PDE3A: variants seen among roughly 807,000 people sequenced by gnomAD.
PDE3A encodes cGMP-inhibited 3',5'-cyclic phosphodiesterase 3A.
In PDE3A, 43 loss-of-function variants were observed where a neutral mutation model predicts 98.3. The observed-to-expected ratio is 0.44, with a 90% CI of 0.34 to 0.56. The LOEUF (loss-of-function observed/expected upper bound fraction) is 0.56. Ranked by LOEUF, PDE3A falls within the 20% of genes least tolerant of loss-of-function variation. The pLI is 0.01. For synonymous variants in PDE3A, 663 were observed against 567.9 expected (o/e 1.17, Z -2.38); for missense variants, 1,427 against 1,440.7 (o/e 0.99, Z 0.15).
intron 1 of PDE3A, among the ~76,000 whole-genome samples, chr12:20,386,082 AATATATAAATATATATAAAT>A (rs1189611721): frequency 0.021 from 569 of 27,234 alleles, 41 homozygotes; most frequent in Admixed American, 0.13. Flanking sequence ...AATATATATA[AATATATAAATATATATAAAT>A]ATATATATAA....
At chr12:20,543,842 A>G (rs1026470097) in intron 1 of PDE3A, among the ~76,000 whole-genome samples, 2 of 152,040 alleles carry the variant, frequency 1.3e-5, no homozygotes, top group African/African-American at 4.8e-5. Flanking sequence ...TGTACCAGGT[A>G]TATAAGGCTT....
At chr12:20,466,526 C>T (rs1591961521) in intron 1 of PDE3A, among the ~76,000 whole-genome samples, 1 of 152,072 alleles carries the variant, frequency 6.6e-6, no homozygotes, top group African/African-American at 2.4e-5. Flanking sequence ...ATGAGTAATA[C>T]TTCGAATGTG....
intron 2 of PDE3A, among the ~76,000 whole-genome samples, chr12:20,580,113 A>C (rs1200326949): frequency 6.6e-6 from 1 of 152,206 alleles, no homozygotes; most frequent in Non-Finnish European, 1.5e-5. Context: ...GCATCAGAGA[A>C]GTATTTCTTT....
intron 1 of PDE3A, among the ~76,000 whole-genome samples, chr12:20,507,672 C>T (rs1168669655): frequency 6.6e-6 from 1 of 152,092 alleles, no homozygotes; most frequent in African/African-American, 2.4e-5. Flanking sequence ...GCAACTCCAA[C>T]CTTCCGCTTA....
intron 2 of PDE3A, among the ~76,000 whole-genome samples, chr12:20,591,235 G>T (rs1943331751): frequency 6.6e-6 from 1 of 152,068 alleles, no homozygotes; most frequent in African/African-American, 2.4e-5. Context: ...GTTTTTGATT[G>T]TACAGTAATA....
chr12:20,483,280 C>T (rs527248474), intron 1 of PDE3A, among the ~76,000 whole-genome samples: 13 of 151,930 alleles, frequency 8.6e-5, no homozygotes, highest in African/African-American at 2.9e-4. Flanking sequence ...TTCCAGCTAC[C>T]GGGGAGGCTG....
chr12:20,461,128 A>T (rs1945241092), intron 1 of PDE3A, among the ~76,000 whole-genome samples: 1 of 151,468 alleles, frequency 6.6e-6, no homozygotes. Context: ...ACTGATTAAG[A>T]TAAGGGGAGC....
intron 1 of PDE3A, among the ~76,000 whole-genome samples, chr12:20,535,775 A>G (rs962292643): frequency 2.0e-5 from 3 of 152,184 alleles, no homozygotes; most frequent in Non-Finnish European, 2.9e-5. Context: ...GATTATTAAT[A>G]TATGTAAAGG....
intron 4 of PDE3A, among the ~76,000 whole-genome samples, chr12:20,616,750 A>AT (rs1407818540): frequency 3.3e-5 from 5 of 152,150 alleles, no homozygotes; most frequent in Non-Finnish European, 7.4e-5. Context: ...TTGATATGAG[A>AT]TCCCCCAGCC....
intron 1 of PDE3A, among the ~76,000 whole-genome samples, chr12:20,545,632 A>G (rs1023796882): frequency 6.6e-6 from 1 of 152,022 alleles, no homozygotes. Context: ...TACGAGGAAT[A>G]CAGGAGAAAG....
intron 2 of PDE3A, chr12:20,557,120 T>G: frequency 5.7e-6 from 1 of 174,714 alleles, no homozygotes; most frequent in Non-Finnish European, 1.2e-5. Context: ...ATTACAAGAT[T>G]TTGTCTCTAA....
At chr12:20,669,287 C>A (rs1292080401) in intron 15 of PDE3A, among the ~76,000 whole-genome samples, 6 of 151,996 alleles carry the variant, frequency 3.9e-5, no homozygotes, top group Non-Finnish European at 5.9e-5. Flanking sequence ...AGGATATTAT[C>A]CAGGAGAACT....
intron 2 of PDE3A, among the ~76,000 whole-genome samples, chr12:20,576,785 T>C (rs1202827461): frequency 6.6e-6 from 1 of 152,178 alleles, no homozygotes; most frequent in Non-Finnish European, 1.5e-5. Flanking sequence ...TTATCTTCCC[T>C]TAGCCATGTG....
At chr12:20,629,442 A>G (rs1025972645) in intron 5 of PDE3A, among the ~76,000 whole-genome samples, 1 of 152,234 alleles carries the variant, frequency 6.6e-6, no homozygotes, top group Admixed American at 6.5e-5. Context: ...CTGTATTTAC[A>G]TATTTTAAGC....
At chr12:20,525,112 C>T (rs1946492299) in intron 1 of PDE3A, among the ~76,000 whole-genome samples, 1 of 152,162 alleles carries the variant, frequency 6.6e-6, no homozygotes, top group Non-Finnish European at 1.5e-5. Flanking sequence ...GCCTGGGCAA[C>T]AAGAGTGAAA....
chr12:20,571,905 G>A (rs1942809194), intron 2 of PDE3A: 1 of 1,050,772 alleles, frequency 9.5e-7, no homozygotes, highest in African/African-American at 1.7e-5. Flanking sequence ...AAGTTGTTCA[G>A]GAAATGTTGA....
At chr12:20,487,219 CTT>C (rs1945743561) in intron 1 of PDE3A, among the ~76,000 whole-genome samples, 1 of 152,040 alleles carries the variant, frequency 6.6e-6, no homozygotes, top group East Asian at 1.9e-4. Flanking sequence ...TAAATTATGA[CTT>C]ATACAAATAT....
At chr12:20,586,839 C>T (rs1457805446) in intron 2 of PDE3A, among the ~76,000 whole-genome samples, 2 of 152,098 alleles carry the variant, frequency 1.3e-5, no homozygotes, top group Non-Finnish European at 2.9e-5. Flanking sequence ...AATATTGTTT[C>T]TCAAAAATCT....
chr12:20,378,141 G>C (rs989050402), intron 1 of PDE3A, among the ~76,000 whole-genome samples: 3 of 151,702 alleles, frequency 2.0e-5, no homozygotes, highest in East Asian at 1.9e-4. Flanking sequence ...GTATAGAGCA[G>C]ATTGGAGATT....
Sources: gnomAD v4.1 joint callset for allele counts (sites outside exome capture counted in the v4.1 genomes callset) on GRCh38, gnomAD v4.1.1 for gene constraint, MANE v1.5 for transcripts, NCBI Gene and HGNC (gene_info 2026-07-23, HGNC 2026-07-21) for gene names.